The following NAALADL2 variants were observed in gnomAD, a reference collection of about 807,000 sequenced individuals.
NAALADL2 encodes inactive N-acetylated-alpha-linked acidic dipeptidase-like protein 2.
In NAALADL2, 76 loss-of-function variants were observed where a neutral mutation model predicts 87.2. The observed-to-expected ratio is 0.87, with a 90% CI of 0.72 to 1.05. NAALADL2 has a LOEUF of 1.05. NAALADL2 is among the 50% of genes least tolerant of loss of function. NAALADL2 has a pLI of 0.00. For synonymous variants in NAALADL2, 354 were observed against 331.0 expected, an observed-to-expected ratio of 1.07 and a Z score of -0.75; for missense variants, 1,089 against 945.8, an observed-to-expected ratio of 1.15 and a Z score of -1.99.
intron 9 of NAALADL2, among the ~76,000 whole-genome samples, chr3:175,505,272 A>T (rs999965809): frequency 1.3e-5 from 2 of 151,926 alleles, no homozygotes; most frequent in Admixed American, 1.3e-4. Context: ...TCGAGAAAAA[A>T]AAAAAAAAAG....
At chr3:174,811,767 T>A (rs1365789247) in intron 3 of NAALADL2, among the ~76,000 whole-genome samples, 1 of 152,138 alleles carries the variant, frequency 6.6e-6, no homozygotes, top group Non-Finnish European at 1.5e-5. Context: ...AGGTGCAGAA[T>A]GGTATGGTTT....
intron 1 of NAALADL2, among the ~76,000 whole-genome samples, chr3:174,494,685 G>A (rs1416553773): frequency 1.3e-5 from 2 of 151,896 alleles, no homozygotes; most frequent in Non-Finnish European, 2.9e-5. Context: ...TTATAGCAAG[G>A]TAATAGCCAT....
chr3:175,434,183 A>G (rs1347973153), intron 5 of NAALADL2, among the ~76,000 whole-genome samples: 1 of 152,036 alleles, frequency 6.6e-6, no homozygotes, highest in African/African-American at 2.4e-5. Context: ...CCTCAAATTT[A>G]GATGTATGCA....
intron 1 of NAALADL2, among the ~76,000 whole-genome samples, chr3:174,441,349 C>T (rs1714600917): frequency 6.6e-6 from 1 of 152,190 alleles, no homozygotes; most frequent in Non-Finnish European, 1.5e-5. Context: ...CCGCCCACCT[C>T]CCGAAGCCGC....
At chr3:175,437,857 A>G (rs1718981651) in intron 5 of NAALADL2, among the ~76,000 whole-genome samples, 1 of 152,044 alleles carries the variant, frequency 6.6e-6, no homozygotes, top group South Asian at 2.1e-4. Flanking sequence ...AAATGGGAAT[A>G]TTGCTTTCCA....
intron 5 of NAALADL2, among the ~76,000 whole-genome samples, chr3:175,380,685 G>A (rs1767681754): frequency 6.6e-6 from 1 of 152,060 alleles, no homozygotes; most frequent in South Asian, 2.1e-4. Context: ...CATATATTTA[G>A]TAATATACTG....
chr3:175,262,859 C>CT (rs1388099048), intron 4 of NAALADL2, among the ~76,000 whole-genome samples: 1 of 151,786 alleles, frequency 6.6e-6, no homozygotes. Flanking sequence ...AAACTTGCCT[C>CT]TTTTTTTATT....
At chr3:174,618,467 G>T (rs1371255806) in intron 2 of NAALADL2, among the ~76,000 whole-genome samples, 1 of 151,442 alleles carries the variant, frequency 6.6e-6, no homozygotes, top group Non-Finnish European at 1.5e-5. Context: ...GTAAGATTTT[G>T]TTTACTATAA....
At chr3:175,640,540 T>C (rs1729140958) in intron 11 of NAALADL2, among the ~76,000 whole-genome samples, 1 of 152,166 alleles carries the variant, frequency 6.6e-6, no homozygotes, top group African/African-American at 2.4e-5. Flanking sequence ...CTAAGTGAGA[T>C]ATGCATAGAT....
Position 175,405,742 on chromosome 3 carries a change from C to A in NAALADL2, c.1091-41487C>A, listed in dbSNP as rs527759863. Among the ~76,000 whole-genome samples, 4 of 152,176 alleles carry A rather than the reference C, an allele frequency of 2.6e-5. No homozygotes were observed. In the South Asian group the frequency reaches 6.2e-4, roughly 24 times the overall value. ...AACACCTATGTTCCTGGCTGTCAGG[C>A]CTTGTGTTACATTGTTTGTGTGCAT... On this transcript the variant is annotated intron_variant, in intron 5 of 13. Coordinates refer to ENST00000454872, the MANE Select transcript of NAALADL2 (RefSeq NM_207015.3).
At chr3:174,482,653 T>G (rs760325377) in intron 1 of NAALADL2, among the ~76,000 whole-genome samples, 1 of 152,006 alleles carries the variant, frequency 6.6e-6, no homozygotes, top group Non-Finnish European at 1.5e-5. Context: ...ACATGCACTG[T>G]TCATTTCACC....
chr3:174,540,985 A>G (rs933870021), intron 1 of NAALADL2, among the ~76,000 whole-genome samples: 11 of 152,148 alleles, frequency 7.2e-5, no homozygotes, highest in Admixed American at 4.6e-4. Flanking sequence ...ACGCTCCTCA[A>G]AACAGGGATG....
At chr3:175,225,199 A>T (rs1451420008) in intron 2 of NAALADL2, among the ~76,000 whole-genome samples, 2 of 152,194 alleles carry the variant, frequency 1.3e-5, no homozygotes, top group African/African-American at 2.4e-5. Context: ...TTATTTTAAA[A>T]ATATATCTTC....
intron 1 of NAALADL2, among the ~76,000 whole-genome samples, chr3:174,871,219 G>A (rs1317034001): frequency 6.6e-6 from 1 of 152,094 alleles, no homozygotes; most frequent in Non-Finnish European, 1.5e-5. Flanking sequence ...CCTCTTCAGT[G>A]TTTCTAACTT....
At chr3:175,180,793 C>G (rs566568290) in intron 2 of NAALADL2, among the ~76,000 whole-genome samples, 1 of 151,578 alleles carries the variant, frequency 6.6e-6, no homozygotes, top group Non-Finnish European at 1.5e-5. Context: ...ATGTTGCTGG[C>G]ACTTCTCTAA....
At chr3:174,795,766 G>C (rs1339880816) in intron 3 of NAALADL2, among the ~76,000 whole-genome samples, 1 of 152,100 alleles carries the variant, frequency 6.6e-6, no homozygotes, top group African/African-American at 2.4e-5. Flanking sequence ...ATTTTGACTT[G>C]CATTTCCCTC....
At chr3:175,141,871 G>C (rs972342821) in intron 2 of NAALADL2, among the ~76,000 whole-genome samples, 10 of 152,032 alleles carry the variant, frequency 6.6e-5, no homozygotes, top group Non-Finnish European at 8.8e-5. Flanking sequence ...TATTTTAAGC[G>C]CTGGCAGAGT....
chr3:175,680,142 C>T (rs1030011286), intron 11 of NAALADL2, among the ~76,000 whole-genome samples: 8 of 152,248 alleles, frequency 5.3e-5, no homozygotes, highest in East Asian at 1.9e-4. Flanking sequence ...GTATTTTAAC[C>T]GTAATATCCC....
At chr3:175,366,732 T>G (rs1345835460) in intron 5 of NAALADL2, among the ~76,000 whole-genome samples, 29 of 150,648 alleles carry the variant, frequency 1.9e-4, no homozygotes, top group Non-Finnish European at 3.1e-4. Context: ...TAAATTTGTT[T>G]GAGTTCATTG....
Sources: allele counts gnomAD v4.1 joint callset (sites outside exome capture counted in the v4.1 genomes callset), GRCh38; gene constraint gnomAD v4.1.1; transcripts MANE v1.5; gene names NCBI Gene and HGNC (gene_info 2026-07-23, HGNC 2026-07-21).